Variants in BDNF observed in about 807,000 individuals in gnomAD.
BDNF encodes brain derived neurotrophic factor.
BDNF carries 1 observed loss-of-function variant against 19.5 expected under a neutral mutation model. The ratio of observed to expected loss-of-function variants is 0.05; its 90% CI spans 0.02 to 0.24. The LOEUF is 0.24. Ranked by LOEUF, BDNF falls within the 10% of genes least tolerant of loss-of-function variation. BDNF has a pLI of 1.00. For synonymous variants in BDNF, 100 were observed against 121.6 expected, an observed-to-expected ratio of 0.82 and a Z score of 1.17; for missense variants, 195 against 317.6, an observed-to-expected ratio of 0.61 and a Z score of 2.93.
intron 1 of BDNF, among the ~76,000 whole-genome samples, chr11:27,689,439 C>A (rs974230595): frequency 6.6e-6 from 1 of 152,184 alleles, no homozygotes; most frequent in East Asian, 1.9e-4. Flanking sequence ...GTATGGAATA[C>A]CACACATTTG....
intron 1 of BDNF, among the ~76,000 whole-genome samples, chr11:27,719,029 G>C (rs1463345659): frequency 3.3e-5 from 5 of 152,024 alleles, no homozygotes; most frequent in Non-Finnish European, 7.4e-5. Context: ...TAGGAGTGTG[G>C]AGAGCCTGGT....
chr11:27,658,942 C>A lies in BDNF; in HGVS notation c.-21-357G>T. 1 of 1,125,470 alleles carries A rather than the reference C, an allele frequency of 8.9e-7. No homozygotes were observed. The allele number at this position is 1,125,470 out of a possible 1,614,324, so 69.7% of individuals were successfully genotyped here. On this transcript the variant is annotated intron_variant, in intron 1 of 1. Transcript: ENST00000356660. This position sits in a 1 kb window ranked among gnomAD's most constrained non-coding sequence, Gnocchi z 5.7. ...TCTGCTCATGCTGTCACGAGAAACA[C>A]AAAATCATAAATGTTACTAAGCAAC...
At chr11:27,667,694 G>A (rs566770910) in intron 1 of BDNF, among the ~76,000 whole-genome samples, 1 of 152,194 alleles carries the variant, frequency 6.6e-6, no homozygotes, top group Non-Finnish European at 1.5e-5. Context: ...ATGATAAAGG[G>A]ATCAATTCAA....
chr11:27,703,776 T>C (rs1335869620), upstream of BDNF, among the ~76,000 whole-genome samples: 3 of 152,206 alleles, frequency 2.0e-5, no homozygotes, highest in Non-Finnish European at 4.4e-5. Context: ...CAGATAACCA[T>C]GATGAATCAC....
chr11:27,706,388 G>A lies in BDNF; in HGVS notation c.3+15024C>T, dbSNP rs1860112257. Among the ~76,000 whole-genome samples, 3 of 152,154 alleles carry A rather than the reference G, an allele frequency of 2.0e-5. No individual in the cohort carries two copies. In the South Asian group the frequency reaches 6.2e-4, roughly 32 times the overall value. ...AGACTACACATCCTTCTTTTGGGGA[G>A]CTATCTAGAATCCAGCAATGCTGGT... On this transcript the variant is annotated intron_variant, in intron 1 of 1. Transcript: ENST00000314915.
At chr11:27,712,775 A>T (rs1162816939) in intron 1 of BDNF, among the ~76,000 whole-genome samples, 1 of 151,394 alleles carries the variant, frequency 6.6e-6, no homozygotes, top group Non-Finnish European at 1.5e-5. Flanking sequence ...TTGGCCTCCC[A>T]AAGTGCTGAG....
chr11:27,674,309 G>T (rs1165024937), intron 1 of BDNF: 3 of 1,549,988 alleles, frequency 1.9e-6, no homozygotes, highest in Non-Finnish European at 2.6e-6. Flanking sequence ...GGTTATTTTT[G>T]CATCCCACTC....
chr11:27,669,943 A>G (rs1180676467), intron 1 of BDNF, among the ~76,000 whole-genome samples: 2 of 152,232 alleles, frequency 1.3e-5, no homozygotes, highest in Non-Finnish European at 2.9e-5. Context: ...AAGAGCCCGC[A>G]TCGCCAAGAC....
Position 27,667,356 on chromosome 11 carries a change from C to G in BDNF, c.-21-8771G>C, listed in dbSNP as rs1048325527. ...CATTGAGGCTAGGAAGAAACTGCAT[C>G]AACTAACGAGCAAAATAACCAGCTA... On this transcript the variant is annotated intron_variant, in intron 1 of 1. Transcript: ENST00000356660. Among the ~76,000 whole-genome samples, 10 of 152,188 alleles carry G rather than the reference C, an allele frequency of 6.6e-5. 1 individual carries two copies. The highest frequency in any genetic ancestry group is 2.6e-4 in the Admixed American group (4 of 15,278).
At chr11:27,693,802 T>C (rs1027546370) in intron 1 of BDNF, among the ~76,000 whole-genome samples, 1 of 152,182 alleles carries the variant, frequency 6.6e-6, no homozygotes, top group African/African-American at 2.4e-5. Context: ...CAAAGGCACA[T>C]GAAGGCAGAA....
Position 27,655,871 on chromosome 11 carries a change from C to G in BDNF, c.*1950G>C, listed in dbSNP as rs1299025165. 6.6e-6 allele frequency: 1 copy of G among 152,236 alleles called. No individual in the cohort carries two copies. The highest frequency in any genetic ancestry group is 2.1e-4 in the South Asian group (1 of 4,832). The allele number at this position is 152,236 out of a possible 1,614,324, so 9.4% of individuals were successfully genotyped here. Reference sequence around the variant, plus strand: ...TGGGGATCCATTTTTCCAAGAACCACTATTTCAGGCTCCCAACTTGACTTC... The same window carrying G: ...TGGGGATCCATTTTTCCAAGAACCAGTATTTCAGGCTCCCAACTTGACTTC... On this transcript the variant is annotated 3_prime_UTR_variant, in exon 2 of 2. Coordinates refer to ENST00000356660, the MANE Select transcript of BDNF (RefSeq NM_001709.5).
intron 1 of BDNF, among the ~76,000 whole-genome samples, chr11:27,718,602 T>G (rs1447464280): frequency 7.6e-6 from 1 of 132,442 alleles, no homozygotes; most frequent in East Asian, 2.8e-4. Flanking sequence ...CGCGTAGATC[T>G]GACTGAGAAA....
chr11:27,703,186 A>C (rs1261242558), upstream of BDNF, among the ~76,000 whole-genome samples: 1 of 152,176 alleles, frequency 6.6e-6, no homozygotes, highest in African/African-American at 2.4e-5. Context: ...GAAGCTGGAT[A>C]CCGCTACCCC....
At chr11:27,675,479 T>C (rs1356673439) in intron 1 of BDNF, 1 of 152,162 alleles carries the variant, frequency 6.6e-6, no homozygotes, top group Non-Finnish European at 1.5e-5. Context: ...CAAATACTCC[T>C]CTGTCAACTC....
chr11:27,666,751 A>C (rs1353706411), intron 1 of BDNF, among the ~76,000 whole-genome samples: 1 of 152,220 alleles, frequency 6.6e-6, no homozygotes, highest in Admixed American at 6.5e-5. Context: ...CAAAGCCTCC[A>C]AGAAATATGG....
At chr11:27,673,694 A>G (rs1855705602) in intron 1 of BDNF, among the ~76,000 whole-genome samples, 1 of 152,190 alleles carries the variant, frequency 6.6e-6, no homozygotes, top group African/African-American at 2.4e-5. Context: ...TAGACAGTGT[A>G]TTCTTGTGGT....
At chr11:27,671,074 G>A (rs535427800) in intron 1 of BDNF, among the ~76,000 whole-genome samples, 211 of 152,086 alleles carry the variant, frequency 1.4e-3, no homozygotes, top group African/African-American at 4.6e-3. Flanking sequence ...ACCAAACACC[G>A]CATGTTCTCA....
chr11:27,664,058 C>T (rs1036825774), intron 1 of BDNF, among the ~76,000 whole-genome samples: 4 of 151,564 alleles, frequency 2.6e-5, no homozygotes, highest in Non-Finnish European at 5.9e-5. Flanking sequence ...CTTGTTTGTT[C>T]CCAGCCCCTT....
At chr11:27,688,465 A>G (rs1857802624) in intron 1 of BDNF, among the ~76,000 whole-genome samples, 1 of 150,226 alleles carries the variant, frequency 6.7e-6, no homozygotes, top group East Asian at 2.0e-4. Context: ...ATGAGAAAAA[A>G]CTCCTGCAGC....
Sources: allele counts gnomAD v4.1 joint callset (sites outside exome capture counted in the v4.1 genomes callset), GRCh38; gene constraint gnomAD v4.1.1; non-coding constraint Gnocchi (gnomAD v3.1); transcripts MANE v1.5; gene names NCBI Gene and HGNC (gene_info 2026-07-23, HGNC 2026-07-21).